Variants in IFT52 observed in about 807,000 individuals in gnomAD.
IFT52 encodes the protein intraflagellar transport 52.
In IFT52, 44 loss-of-function variants were observed where a neutral mutation model predicts 54.4. That is an observed-to-expected ratio of 0.81 (90% CI 0.63 to 1.04). The LOEUF is 1.04. IFT52 is among the 50% of genes least tolerant of loss of function. The pLI is 0.00. For missense variants in IFT52, 452 were observed against 523.6 expected (o/e 0.86, Z 1.33); for synonymous variants, 181 against 185.3 (o/e 0.98, Z 0.19).
intron 3 of IFT52, among the ~76,000 whole-genome samples, chr20:43,600,230 A>G (rs1226603962): frequency 1.3e-5 from 2 of 152,142 alleles, no homozygotes; most frequent in African/African-American, 2.4e-5. Context: ...TGTATTGGCA[A>G]TTCAAATCAT....
Position 43,609,957 on chromosome 20 carries a change from A to T in IFT52, c.486-3893A>T, listed in dbSNP as rs147538923. On this transcript the variant is annotated intron_variant, in intron 6 of 13. Transcript: ENST00000373030. ...GAGCAAGACTCCGTCTTGAAAAAAT[A>T]AAATAAAATTAAATTAAATTAAATT... Among the ~76,000 whole-genome samples, 1,404 of 151,168 alleles carry T rather than the reference A, an allele frequency of 9.3e-3. 19 individuals carry two copies. Among genetic ancestry groups the T allele is most frequent in the African/African-American group, 0.03 (1,252 of 41,118 alleles).
Position 43,603,866 on chromosome 20 carries a change from A to G in IFT52, c.314A>G (p.Glu105Gly), listed in dbSNP as rs1425412046. The change falls in exon 4 of 14, where the codon GAA (glutamate) becomes GGA (glycine). Residue 105 changes from glutamate to glycine, a missense_variant. Physicochemically the swap from Glu to Gly is moderately conservative, Grantham distance 98. Coordinates refer to ENST00000373030, the MANE Select transcript of IFT52 (RefSeq NM_016004.5). ...FDTNINFLLEEYGIMVNNDAV... is the reference protein window; with the variant it reads ...FDTNINFLLEGYGIMVNNDAV... ...ACCAATATTAACTTTTTACTAGAAG[A>G]ATATGGAATCATGGTTAATAATGGT... is the stretch of plus-strand genomic sequence containing the variant. 1.3e-6 allele frequency: 2 copies of G among 1,493,990 alleles called. No homozygotes were observed. The highest frequency in any genetic ancestry group is 9.3e-7 in the Non-Finnish European group (1 of 1,076,158). The allele number at this position is 1,493,990 out of a possible 1,614,324, so 92.5% of individuals were successfully genotyped here. A position where few individuals can be genotyped will look rare whatever the true frequency, so the allele number is the denominator to read the frequency against.
At chr20:43,601,999 G>A (rs73114576) in intron 3 of IFT52, among the ~76,000 whole-genome samples, 19,849 of 151,998 alleles carry the variant, frequency 0.13, 1,792 homozygotes, top group Non-Finnish European at 0.2. Context: ...CTCCACTCAA[G>A]GAACCGATAG....
chr20:43,612,391 G>T (rs1983526172), intron 6 of IFT52, among the ~76,000 whole-genome samples: 1 of 152,006 alleles, frequency 6.6e-6, no homozygotes, highest in South Asian at 2.1e-4. Context: ...AAGGAATGGG[G>T]AAGATTAACA....
At chr20:43,629,346 C>T (rs1401052536) in intron 10 of IFT52, among the ~76,000 whole-genome samples, 2 of 75,188 alleles carry the variant, frequency 2.7e-5, no homozygotes, top group African/African-American at 7.2e-5. Context: ...CATCTCGACT[C>T]ACTGCAAGCT....
At chr20:43,626,041 A>AT (rs1984691216) in intron 10 of IFT52, among the ~76,000 whole-genome samples, 1 of 151,388 alleles carries the variant, frequency 6.6e-6, no homozygotes, top group South Asian at 2.1e-4. Context: ...AAAAAAAAAA[A>AT]AAGTTGCAAT....
chr20:43,591,830 G>C (rs1981546392), intron 1 of IFT52, among the ~76,000 whole-genome samples: 1 of 152,236 alleles, frequency 6.6e-6, no homozygotes, highest in Non-Finnish European at 1.5e-5. Context: ...TTGAGCCCAG[G>C]AGTCAGAGAC....
chr20:43,594,547 C>A (rs924235751), intron 1 of IFT52, 146 bp from the exon 2 acceptor site: 3 of 597,156 alleles, frequency 5.0e-6, no homozygotes, highest in Admixed American at 6.0e-5. Flanking sequence ...TCACTCTCAA[C>A]CTTTGAGAAT....
Position 43,613,884 on chromosome 20 carries a change from T to C in IFT52, c.520T>C (p.Leu174=), listed in dbSNP as rs146213304. 5.1e-3 allele frequency: 8,156 copies of C among 1,614,118 alleles called. 93 individuals are homozygous for C. The highest frequency in any genetic ancestry group is 0.014 in the South Asian group (1,230 of 91,084). ...LTFVYPFGAT[L]SVMKPAVAVL... is the part of the protein sequence containing the mutation. Reference sequence around the variant, plus strand: ...CTTTGTGTATCCTTTTGGTGCCACATTGAGTGTCATGAAACCAGCAGTGGC... The same window carrying C: ...CTTTGTGTATCCTTTTGGTGCCACACTGAGTGTCATGAAACCAGCAGTGGC... Residue 174 remains leucine, a synonymous_variant, in exon 7 of 14, where the codon TTG becomes CTG. Coordinates refer to ENST00000373030, the MANE Select transcript of IFT52 (RefSeq NM_016004.5).
Position 43,647,199 on chromosome 20 carries a change from T to C in IFT52, c.*216T>C. 1.7e-6 allele frequency: 1 copy of C among 571,778 alleles called. No individual in the cohort carries two copies. Among genetic ancestry groups the C allele is most frequent in the Non-Finnish European group, 3.1e-6 (1 of 323,304 alleles). The allele number at this position is 571,778 out of a possible 1,614,324, so 35.4% of individuals were successfully genotyped here. ...CCATTTTTAAAAATTAAATGTATGG[T>C]TGCATCTGTCTTTTTATACCCTATG... On this transcript the variant is annotated 3_prime_UTR_variant, in exon 14 of 14. Transcript: ENST00000373030.
intron 3 of IFT52, among the ~76,000 whole-genome samples, chr20:43,601,244 C>T (rs1318359572): frequency 6.6e-6 from 1 of 152,098 alleles, no homozygotes; most frequent in Non-Finnish European, 1.5e-5. Flanking sequence ...TTAAATGCCT[C>T]CACTGAGAGC....
intron 2 of IFT52, among the ~76,000 whole-genome samples, 166 bp from the exon 3 acceptor site, chr20:43,596,269 G>A (rs200191740): frequency 2.0e-5 from 3 of 152,350 alleles, no homozygotes; most frequent in East Asian, 1.9e-4. Context: ...GGGCAGGCCT[G>A]TAGAGGGAAT....
In IFT52 at chr20:43,594,427, C is replaced by T. The variant is rs1273192555; in HGVS notation, c.-6-266C>T. Reference sequence around the variant, plus strand: ...AGAGCAGGGTGATGGCAGGGCAGAGCCATAGGTGTAGGCTGTTGGGAGGAT... The same window carrying T: ...AGAGCAGGGTGATGGCAGGGCAGAGTCATAGGTGTAGGCTGTTGGGAGGAT... On this transcript the variant is annotated intron_variant, in intron 1 of 13. Coordinates refer to ENST00000373030, the MANE Select transcript of IFT52 (RefSeq NM_016004.5). Among the ~76,000 whole-genome samples the T allele has an allele frequency of 2.6e-5, 4 of 152,140 alleles. 1 individual carries two copies. Among genetic ancestry groups the T allele is most frequent in the African/African-American group, 2.4e-5 (1 of 41,428 alleles).
chr20:43,598,759 G>A (rs1982198136), intron 3 of IFT52, among the ~76,000 whole-genome samples: 1 of 152,122 alleles, frequency 6.6e-6, no homozygotes, highest in African/African-American at 2.4e-5. Flanking sequence ...GGTAAATTTA[G>A]GAAAGATTAG....
In IFT52 at chr20:43,637,181, C is replaced by T; in HGVS notation, c.1048C>T (p.Pro350Ser). 2 of 1,611,596 alleles carry T rather than the reference C, an allele frequency of 1.2e-6. No individual in the cohort carries two copies. Among genetic ancestry groups the T allele is most frequent in the Non-Finnish European group, 1.7e-6 (2 of 1,179,062 alleles). ...CAGTTTCCGGGAGTTACCACCTCCT[C>T]CTCTGGAGCTATTTGATTTAGATGA... is the stretch of plus-strand genomic sequence containing the variant. The part of the protein sequence containing the change: ...PPSFRELPPP[P>S]LELFDLDETF... Residue 350 changes from proline to serine, a missense_variant, in exon 12 of 14, where the codon CCT becomes TCT. Pro to Ser is a moderately conservative substitution (Grantham distance 74). Transcript: ENST00000373030.
chr20:43,644,077 C>T lies in IFT52; in HGVS notation c.1266+1453C>T, dbSNP rs1986085380. ...CAAGACCACACCACTGCAGTCCATCCAGCCTGGCGACAGAGCAAGACTCTG... is the reference window on the plus strand; with the variant it reads ...CAAGACCACACCACTGCAGTCCATCTAGCCTGGCGACAGAGCAAGACTCTG... On this transcript the variant is annotated intron_variant, in intron 13 of 13. Coordinates refer to ENST00000373030, the MANE Select transcript of IFT52 (RefSeq NM_016004.5). 3.6e-5 allele frequency among the ~76,000 whole-genome samples: 2 copies of T among 55,960 alleles called. 1 individual carries two copies. Among genetic ancestry groups the T allele is most frequent in the Admixed American group, 4.1e-4 (2 of 4,840 alleles). 36.7% of individuals were successfully genotyped at this position (55,960 alleles called of 152,430 possible).
intron 8 of IFT52, 97 bp downstream of exon 8, chr20:43,619,123 C>A: frequency 1.2e-6 from 1 of 832,400 alleles, no homozygotes; most frequent in Non-Finnish European, 1.9e-6. Context: ...TTAAAAGCAG[C>A]TACTCAGAAC....
At chr20:43,634,880 C>T (rs1001076818) in intron 10 of IFT52, among the ~76,000 whole-genome samples, 5 of 152,024 alleles carry the variant, frequency 3.3e-5, no homozygotes, top group African/African-American at 1.2e-4. Flanking sequence ...CTTATAAGGA[C>T]ATGTAGTAGG....
At chr20:43,605,110 A>G in intron 6 of IFT52, 37 bp downstream of exon 6, 1 of 1,607,180 alleles carries the variant, frequency 6.2e-7, no homozygotes, top group Non-Finnish European at 8.5e-7. Flanking sequence ...AGGAAGATGT[A>G]TCATTTTGGA....
Sources: gnomAD v4.1 joint callset for allele counts (sites outside exome capture counted in the v4.1 genomes callset) on GRCh38, gnomAD v4.1.1 for gene constraint, MANE v1.5 for transcripts, NCBI Gene and HGNC (gene_info 2026-07-23, HGNC 2026-07-21) for gene names.